The following SIPA1L1 variants were observed in gnomAD, a reference collection of about 807,000 sequenced individuals.
The protein encoded by SIPA1L1 is signal induced proliferation associated 1 like 1, also known as signal-induced proliferation-associated 1-like protein 1.
In SIPA1L1, 26 loss-of-function variants were observed where a neutral mutation model predicts 162.7. That is an observed-to-expected ratio of 0.16 (90% CI 0.12 to 0.22). The LOEUF (loss-of-function observed/expected upper bound fraction) is 0.22, where lower values mean the gene tolerates loss of function less well. SIPA1L1 is among the 10% of genes least tolerant of loss of function. The probability of loss-of-function intolerance (pLI) is 1.00; values close to 1 mark genes in which losing one functional copy is unlikely to be tolerated. For missense variants in SIPA1L1, 1,874 were observed against 2,241.0 expected (o/e 0.84, Z 3.31); for synonymous variants, 829 against 837.4 (o/e 0.99, Z 0.17).
At chr14:71,402,439 C>T (rs1255644875) in intron 2 of SIPA1L1, among the ~76,000 whole-genome samples, 1 of 151,526 alleles carries the variant, frequency 6.6e-6, no homozygotes, top group African/African-American at 2.4e-5. Flanking sequence ...ACCTCCGCCT[C>T]CCGGGTTCAA....
intron 2 of SIPA1L1, among the ~76,000 whole-genome samples, chr14:71,479,822 A>G (rs1373027671): frequency 6.6e-6 from 1 of 151,366 alleles, no homozygotes; most frequent in Non-Finnish European, 1.5e-5. Flanking sequence ...GACCTCCCAT[A>G]CTAAAGGTAT....
Position 71,685,478 on chromosome 14 carries a change from A to G in SIPA1L1, c.3221A>G (p.Lys1074Arg). The change falls in exon 13 of 24, where the codon AAG becomes AGG. Residue 1074 changes from lysine (K) to arginine (R), a missense_variant. Lys to Arg is a conservative substitution (Grantham distance 26). Transcript: ENST00000381232. ...NNNKWQRNAS[K>R]GPHSPQVPSQ... ...AACAAGTGGCAGAGGAACGCCAGCA[A>G]GGGGCCTCATTCACCTCAAGTCCCG... The G allele has an allele frequency of 6.2e-7, 1 of 1,614,230 alleles. No homozygotes were observed. Among genetic ancestry groups the G allele is most frequent in the Non-Finnish European group, 8.5e-7 (1 of 1,180,040 alleles).
chr14:71,633,155 A>C (rs201244151), intron 7 of SIPA1L1, among the ~76,000 whole-genome samples: 75 of 126,116 alleles, frequency 5.9e-4, no homozygotes, highest in South Asian at 1.5e-3. Context: ...ATGTTATGTT[A>C]TGTTCTGTTC....
At chr14:71,727,569 A>G (rs1228700199) in intron 19 of SIPA1L1, among the ~76,000 whole-genome samples, 1 of 152,078 alleles carries the variant, frequency 6.6e-6, no homozygotes, top group African/African-American at 2.4e-5. Flanking sequence ...CAGTGGTGCT[A>G]TAAGGAACCC....
chr14:71,632,027 G>A (rs779472003), intron 7 of SIPA1L1, among the ~76,000 whole-genome samples: 4 of 152,148 alleles, frequency 2.6e-5, no homozygotes, highest in Non-Finnish European at 4.4e-5. Flanking sequence ...ATTGCAGACC[G>A]GCCCATCCAT....
chr14:71,565,809 T>G (rs1451361782), intron 4 of SIPA1L1, among the ~76,000 whole-genome samples: 1 of 101,850 alleles, frequency 9.8e-6, no homozygotes, highest in African/African-American at 4.4e-5. Context: ...GAAAACTCCT[T>G]TATAGAAAAT....
In SIPA1L1 at chr14:71,591,637, C is replaced by T. The variant is rs72729951; in HGVS notation, c.1498+2267C>T. 9.6e-3 allele frequency among the ~76,000 whole-genome samples: 1,457 copies of T among 152,276 alleles called. 17 individuals carry two copies. The highest frequency in any genetic ancestry group is 0.015 in the Non-Finnish European group (1,040 of 68,004). ...AAGCAGGGAATTGTTAAAAAGTATACATTCAAACTGTTTTATTATCATTAA... is the reference window on the plus strand; with the variant it reads ...AAGCAGGGAATTGTTAAAAAGTATATATTCAAACTGTTTTATTATCATTAA... On this transcript the variant is annotated intron_variant, in intron 5 of 23. Transcript: ENST00000381232.
At chr14:71,402,730 T>C (rs1284765366) in intron 2 of SIPA1L1, among the ~76,000 whole-genome samples, 2 of 152,176 alleles carry the variant, frequency 1.3e-5, no homozygotes, top group African/African-American at 4.8e-5. Context: ...ATTGTTGTAT[T>C]GGTTATGTGA....
chr14:71,723,357 G>A (rs913208715), intron 17 of SIPA1L1, among the ~76,000 whole-genome samples: 4 of 152,210 alleles, frequency 2.6e-5, no homozygotes, highest in African/African-American at 7.2e-5. Context: ...CGTGACAAAC[G>A]TCAGTGGTGC....
chr14:71,579,634 G>T (rs147932828), intron 4 of SIPA1L1, among the ~76,000 whole-genome samples: 209 of 152,258 alleles, frequency 1.4e-3, no homozygotes, highest in Non-Finnish European at 2.5e-3. Flanking sequence ...TAATTTTAAT[G>T]TTTTTCTTTT....
chr14:71,546,245 C>T (rs2146040776), intron 4 of SIPA1L1, among the ~76,000 whole-genome samples: 1 of 152,124 alleles, frequency 6.6e-6, no homozygotes, highest in South Asian at 2.1e-4. Flanking sequence ...TGCATTACTC[C>T]CATTTTTCTG....
intron 2 of SIPA1L1, among the ~76,000 whole-genome samples, chr14:71,420,392 T>C (rs190386857): frequency 6.6e-6 from 1 of 152,268 alleles, no homozygotes; most frequent in Admixed American, 6.5e-5. Context: ...GCCATCTGAC[T>C]GTCTGTCTGC....
At chr14:71,686,705 G>C (rs2149585895) in intron 13 of SIPA1L1, among the ~76,000 whole-genome samples, 1 of 152,218 alleles carries the variant, frequency 6.6e-6, no homozygotes, top group South Asian at 2.1e-4. Context: ...ACCACGCCTG[G>C]CCTAGAAGTC....
At position 71,460,492 on chromosome 14, in the gene SIPA1L1, C is replaced by CT. The variant is rs560945080; in HGVS notation, c.-464-52250dup. ...AGTAGACTGATTTCATCTTGATAGT[C>CT]TGAGTCAATCACCCCTGCCAACACT... On this transcript the variant is annotated intron_variant, in intron 2 of 23. Coordinates refer to ENST00000381232, the MANE Select transcript of SIPA1L1 (RefSeq NM_001386936.1). Among the ~76,000 whole-genome samples, 817 of 152,280 alleles carry CT rather than the reference C, an allele frequency of 5.4e-3. 10 individuals carry two copies. Among genetic ancestry groups the CT allele is most frequent in the African/African-American group, 0.018 (768 of 41,556 alleles).
chr14:71,322,021 A>G (rs1334728918), intron 2 of SIPA1L1, among the ~76,000 whole-genome samples: 6 of 152,212 alleles, frequency 3.9e-5, no homozygotes, highest in Admixed American at 6.5e-5. Context: ...CCTGACGGGT[A>G]GTTTAGAGGC....
chr14:71,616,321 A>G (rs544363451), intron 5 of SIPA1L1, among the ~76,000 whole-genome samples: 2 of 152,328 alleles, frequency 1.3e-5, no homozygotes, highest in East Asian at 1.9e-4. Flanking sequence ...ACTTTGAGAA[A>G]GTCATTGGTG....
chr14:71,543,874 TG>T (rs1166876528), intron 4 of SIPA1L1, among the ~76,000 whole-genome samples: 1 of 149,542 alleles, frequency 6.7e-6, no homozygotes, highest in African/African-American at 2.5e-5. Context: ...CATACGTATG[TG>T]TATATATACA....
At chr14:71,376,915 A>T (rs2039423250) in intron 2 of SIPA1L1, among the ~76,000 whole-genome samples, 1 of 152,174 alleles carries the variant, frequency 6.6e-6, no homozygotes, top group Admixed American at 6.5e-5. Flanking sequence ...AACAAAATGG[A>T]GTCTCCTATG....
At chr14:71,473,094 G>C (rs1471280232) in intron 2 of SIPA1L1, among the ~76,000 whole-genome samples, 1 of 152,042 alleles carries the variant, frequency 6.6e-6, no homozygotes, top group Non-Finnish European at 1.5e-5. Context: ...ACTTTAAAGA[G>C]AGGCTTTTTA....
Sources: allele counts gnomAD v4.1 joint callset (sites outside exome capture counted in the v4.1 genomes callset), GRCh38; gene constraint gnomAD v4.1.1; transcripts MANE v1.5; gene names NCBI Gene and HGNC (gene_info 2026-07-23, HGNC 2026-07-21).